ULK4: variants seen among roughly 807,000 people sequenced by gnomAD.
ULK4 encodes unc-51 like kinase 4.
ULK4 carries 133 observed loss-of-function variants against 160.6 expected under a neutral mutation model. That is an observed-to-expected ratio of 0.83 (90% confidence interval 0.72 to 0.96). ULK4 has a LOEUF of 0.96. Ranked by LOEUF, ULK4 falls within the 40% of genes least tolerant of loss-of-function variation. The pLI is 0.00. For missense variants in ULK4, 1,580 were observed against 1,499.5 expected (o/e 1.05, Z -0.89); for synonymous variants, 534 against 539.8 (o/e 0.99, Z 0.15).
At chr3:41,869,562 C>T (rs1559619776) in intron 17 of ULK4, among the ~76,000 whole-genome samples, 1 of 151,928 alleles carries the variant, frequency 6.6e-6, no homozygotes, top group Non-Finnish European at 1.5e-5. Flanking sequence ...CCTGGGTGAC[C>T]GGGTGAGACT....
At chr3:41,766,506 A>C (rs970005680) in intron 21 of ULK4, 2 of 152,244 alleles carry the variant, frequency 1.3e-5, no homozygotes, top group Admixed American at 6.5e-5. Flanking sequence ...CCAATCCCAC[A>C]ACTAGCAAGG....
intron 19 of ULK4, among the ~76,000 whole-genome samples, chr3:41,815,006 T>A (rs2040924178): frequency 6.6e-6 from 1 of 151,738 alleles, no homozygotes; most frequent in Non-Finnish European, 1.5e-5. Flanking sequence ...CCTCCCAGGT[T>A]CAAGCGATTC....
At chr3:41,949,771 C>A (rs1700228431) in intron 2 of ULK4, among the ~76,000 whole-genome samples, 1 of 148,382 alleles carries the variant, frequency 6.7e-6, no homozygotes, top group South Asian at 2.1e-4. Flanking sequence ...GACAGTGTCT[C>A]TGTCGCCCAG....
intron 34 of ULK4, among the ~76,000 whole-genome samples, chr3:41,448,788 A>G (rs978147148): frequency 6.6e-6 from 1 of 152,220 alleles, no homozygotes; most frequent in Non-Finnish European, 1.5e-5. Context: ...GCGAAGGAAA[A>G]GACAAGAATG....
chr3:41,347,142 A>G (rs73831329), intron 35 of ULK4, among the ~76,000 whole-genome samples: 6,846 of 152,284 alleles, frequency 0.045, 394 homozygotes, highest in East Asian at 0.19. Context: ...GGCACTAAAT[A>G]AAAGTGCCGT....
chr3:41,837,794 C>G (rs560032340), intron 17 of ULK4, among the ~76,000 whole-genome samples: 7 of 152,252 alleles, frequency 4.6e-5, no homozygotes, highest in African/African-American at 1.7e-4. Context: ...CTCCTGACTT[C>G]AAGTGATCCA....
intron 29 of ULK4, among the ~76,000 whole-genome samples, chr3:41,670,577 A>G (rs147349601): frequency 5.3e-5 from 8 of 151,704 alleles, no homozygotes; most frequent in Non-Finnish European, 8.9e-5. Flanking sequence ...GTATGTATAT[A>G]TGTATATACA....
chr3:41,338,648 A>T (rs2080615840), intron 35 of ULK4, among the ~76,000 whole-genome samples: 1 of 152,160 alleles, frequency 6.6e-6, no homozygotes, highest in Non-Finnish European at 1.5e-5. Flanking sequence ...GAAAAGATCC[A>T]GTGTACTTTG....
chr3:41,810,625 G>A (rs1177259376), intron 19 of ULK4, among the ~76,000 whole-genome samples: 1 of 151,886 alleles, frequency 6.6e-6, no homozygotes, highest in African/African-American at 2.4e-5. Flanking sequence ...GACAAGCCCG[G>A]GCAACTTAAT....
chr3:41,681,380 G>C, intron 29 of ULK4, 128 bp downstream of exon 29: 2 of 1,283,676 alleles, frequency 1.6e-6, no homozygotes. Context: ...TTTTTATAAT[G>C]AGTACACAAG....
intron 34 of ULK4, among the ~76,000 whole-genome samples, chr3:41,417,192 G>A (rs1026316423): frequency 4.6e-5 from 7 of 152,266 alleles, no homozygotes; most frequent in Admixed American, 1.3e-4. Context: ...TGTTCCAGGA[G>A]AAACTCCAGA....
At chr3:41,886,013 G>A (rs73083333) in intron 16 of ULK4, among the ~76,000 whole-genome samples, 18,887 of 152,118 alleles carry the variant, frequency 0.12, 1,356 homozygotes, top group Middle Eastern at 0.27. Flanking sequence ...CCACAGCTGA[G>A]GGTGAGGGAG....
At chr3:41,280,145 C>A (rs888135588) in intron 35 of ULK4, among the ~76,000 whole-genome samples, 2 of 152,038 alleles carry the variant, frequency 1.3e-5, no homozygotes, top group Non-Finnish European at 2.9e-5. Flanking sequence ...ACAGGAGCAC[C>A]CAGATTCATA....
intron 35 of ULK4, among the ~76,000 whole-genome samples, chr3:41,270,095 T>A (rs1032785668): frequency 6.6e-6 from 1 of 152,166 alleles, no homozygotes; most frequent in Admixed American, 6.5e-5. Context: ...GCAAAGTTGT[T>A]AGCTAAAGTT....
chr3:41,506,767 A>AAAAAAAAAATATATATATATAAATAT, intron 32 of ULK4, among the ~76,000 whole-genome samples: 16 of 56,794 alleles, frequency 2.8e-4, no homozygotes, highest in South Asian at 6.5e-4. Flanking sequence ...TGTGATTTAA[A>AAAAAAAAAATATATATATATAAATAT]ATATATATAT....
chr3:41,286,567 A>T (rs1451656315), intron 35 of ULK4, among the ~76,000 whole-genome samples: 4 of 152,150 alleles, frequency 2.6e-5, no homozygotes, highest in Non-Finnish European at 5.9e-5. Context: ...GCACATGATA[A>T]ACGTAGAAAG....
chr3:41,338,408 AAACATT>A (rs966492634), intron 35 of ULK4, among the ~76,000 whole-genome samples: 1 of 152,218 alleles, frequency 6.6e-6, no homozygotes, highest in African/African-American at 2.4e-5. Context: ...GCAAACACAC[AAACATT>A]AATTTCTGGA....
At chr3:41,710,941 G>A (rs2037074737) in intron 25 of ULK4, among the ~76,000 whole-genome samples, 1 of 152,174 alleles carries the variant, frequency 6.6e-6, no homozygotes, top group South Asian at 2.1e-4. Context: ...CTGAAGGGTT[G>A]TGGGAGTTGG....
intron 31 of ULK4, among the ~76,000 whole-genome samples, chr3:41,595,715 C>A (rs2031645564): frequency 6.6e-6 from 1 of 151,956 alleles, no homozygotes; most frequent in African/African-American, 2.4e-5. Flanking sequence ...TGTTTTCAGG[C>A]CAAGGAAGTA....
Sources: gnomAD v4.1 joint callset for allele counts (sites outside exome capture counted in the v4.1 genomes callset) on GRCh38, gnomAD v4.1.1 for gene constraint, MANE v1.5 for transcripts, NCBI Gene and HGNC (gene_info 2026-07-23, HGNC 2026-07-21) for gene names.